NAV2: variants seen among roughly 807,000 people sequenced by gnomAD.
NAV2 encodes neuron navigator 2, also known as helicase, APC down-regulated 1.
NAV2 carries 54 observed loss-of-function variants against 223.2 expected under a neutral mutation model. The ratio of observed to expected loss-of-function variants is 0.24; its 90% confidence interval spans 0.19 to 0.30. The LOEUF (loss-of-function observed/expected upper bound fraction) is 0.30, where lower values mean the gene tolerates loss of function less well. Ranked by LOEUF, NAV2 falls within the 10% of genes least tolerant of loss-of-function variation. NAV2 has a pLI of 1.00. For missense variants in NAV2, 2,806 were observed against 3,147.5 expected, an observed-to-expected ratio of 0.89 and a Z score of 2.60; for synonymous variants, 1,279 against 1,239.3, an observed-to-expected ratio of 1.03 and a Z score of -0.67.
chr11:19,503,711 G>A (rs1313893126), intron 1 of NAV2: 1 of 152,132 alleles, frequency 6.6e-6, no homozygotes, highest in Non-Finnish European at 1.5e-5. Context: ...AGGATGTCTT[G>A]GTTGCTTACA....
At chr11:20,035,696 G>T (rs1437202962) in intron 11 of NAV2, among the ~76,000 whole-genome samples, 1 of 152,212 alleles carries the variant, frequency 6.6e-6, no homozygotes, top group Non-Finnish European at 1.5e-5. Flanking sequence ...AATGGGGTAG[G>T]ACATGGGTAG....
chr11:19,552,596 G>A (rs1590498785), intron 1 of NAV2, among the ~76,000 whole-genome samples: 1 of 152,158 alleles, frequency 6.6e-6, no homozygotes, highest in African/African-American at 2.4e-5. Context: ...TTGTCACAAG[G>A]CCATGGAACA....
rs1333911807 is a variant in NAV2 at position 19,712,876 on chromosome 11, C to T, written c.-820C>T. Among the ~76,000 whole-genome samples the T allele has an allele frequency of 6.6e-6, 1 of 151,138 alleles. No homozygotes were observed. Among genetic ancestry groups the T allele is most frequent in the African/African-American group, 2.4e-5 (1 of 41,320 alleles). ...TGAGCCCCGCAGCCAGCGCAGCCTTCCCGGGAAGCGCGGCGGCCGCTCCCG... is the reference window on the plus strand; with the variant it reads ...TGAGCCCCGCAGCCAGCGCAGCCTTTCCGGGAAGCGCGGCGGCCGCTCCCG... On this transcript the variant is annotated 5_prime_UTR_variant, in exon 1 of 38. Coordinates refer to ENST00000349880, the MANE Select transcript of NAV2 (RefSeq NM_145117.5).
rs1445300088 is a variant in NAV2, at chr11:20,105,686, A to G, written c.6800A>G (p.Asn2267Ser). The G allele has an allele frequency of 1.2e-6, 2 of 1,613,368 alleles. No homozygotes were observed. Among genetic ancestry groups the G allele is most frequent in the Non-Finnish European group, 1.7e-6 (2 of 1,179,948 alleles). Residue 2267 changes from asparagine to serine, a missense_variant, in exon 35 of 38, where the codon AAC becomes AGC. By Grantham distance (46) the Asn-to-Ser change is conservative (BLOSUM62 1). This residue lies in a region of NAV2 where 824 missense variants were observed against 1,069.4 expected (regional missense o/e 0.77). Transcript: ENST00000349880. ...ATTCCCAAGGTCTGGCATCACCTCAACCGCTTCCTGGAGGCTCACAGTTCC... is the reference window on the plus strand; with the variant it reads ...ATTCCCAAGGTCTGGCATCACCTCAGCCGCTTCCTGGAGGCTCACAGTTCC... ...DWIPKVWHHLNRFLEAHSSSD... is the reference protein window; with the variant it reads ...DWIPKVWHHLSRFLEAHSSSD...
intron 1 of NAV2, among the ~76,000 whole-genome samples, chr11:19,430,631 C>T (rs1340547375): frequency 6.6e-6 from 1 of 152,224 alleles, no homozygotes; most frequent in Non-Finnish European, 1.5e-5. Flanking sequence ...CAAGAACTTT[C>T]TCACTTTGGC....
intron 1 of NAV2, among the ~76,000 whole-genome samples, chr11:19,382,970 T>C (rs1848900827): frequency 6.6e-6 from 1 of 152,170 alleles, no homozygotes; most frequent in Non-Finnish European, 1.5e-5. Context: ...CAAAGGCATA[T>C]AGCTTGTGAG....
chr11:19,464,697 A>G (rs1852288034), intron 1 of NAV2, among the ~76,000 whole-genome samples: 1 of 152,206 alleles, frequency 6.6e-6, no homozygotes, highest in Non-Finnish European at 1.5e-5. Flanking sequence ...CTCATCTGTC[A>G]GAGGGATGTG....
intron 1 of NAV2, among the ~76,000 whole-genome samples, chr11:19,609,362 G>C (rs1465077066): frequency 6.6e-6 from 1 of 152,118 alleles, no homozygotes; most frequent in Non-Finnish European, 1.5e-5. Flanking sequence ...AAAGAGGGGA[G>C]GGAGAAAAAG....
At chr11:19,682,928 A>C (rs1370815334) in intron 1 of NAV2, among the ~76,000 whole-genome samples, 4 of 152,222 alleles carry the variant, frequency 2.6e-5, no homozygotes, top group African/African-American at 9.6e-5. Context: ...TTTTCAGATG[A>C]AAACAGTGAG....
intron 1 of NAV2, among the ~76,000 whole-genome samples, chr11:19,667,712 T>C (rs968711091): frequency 1.3e-5 from 2 of 152,214 alleles, no homozygotes; most frequent in South Asian, 2.1e-4. Flanking sequence ...CTAGTATCAA[T>C]GTGTATTTTA....
chr11:20,117,652 G>C (rs528135187), intron 37 of NAV2, among the ~76,000 whole-genome samples: 2 of 152,106 alleles, frequency 1.3e-5, no homozygotes, highest in South Asian at 2.1e-4. Context: ...GATGCTTGTT[G>C]AAGTGGGAGG....
intron 1 of NAV2, among the ~76,000 whole-genome samples, chr11:19,493,168 C>G (rs906559547): frequency 9.2e-5 from 14 of 151,904 alleles, no homozygotes; most frequent in African/African-American, 2.9e-4. Context: ...TCCCCTGCCC[C>G]CTCCCCTCTC....
intron 1 of NAV2, among the ~76,000 whole-genome samples, chr11:19,705,135 A>G (rs984984635): frequency 6.7e-6 from 1 of 150,326 alleles, no homozygotes; most frequent in Non-Finnish European, 1.5e-5. Flanking sequence ...CTTCTGTAAT[A>G]GTGAAAAAGT....
In NAV2 at chr11:20,106,175, A is replaced by ATATATGTGTGTG. The variant is rs11267537; in HGVS notation, c.6841+449_6841+450insATATGTGTGTGT. On this transcript the variant is annotated intron_variant, in intron 35 of 37. Transcript: ENST00000349880. ...TGTGTGTATATATATATATATATAT[A>ATATATGTGTGTG]TGTGTGTGTATATATATATATATAT... is the stretch of plus-strand genomic sequence containing the variant. Among the ~76,000 whole-genome samples the ATATATGTGTGTG allele has an allele frequency of 1.4e-3, 50 of 35,822 alleles. 3 individuals are homozygous for ATATATGTGTGTG. The highest frequency in any genetic ancestry group is 3.7e-3 in the South Asian group (3 of 816). 23.5% of individuals were successfully genotyped at this position (35,822 alleles called of 152,430 possible).
intron 1 of NAV2, among the ~76,000 whole-genome samples, chr11:19,403,253 G>A (rs2133329779): frequency 6.6e-6 from 1 of 152,316 alleles, no homozygotes; most frequent in Admixed American, 6.5e-5. Context: ...CCCTTGCTGG[G>A]TGCTTCAGAT....
In NAV2 at chr11:19,701,394, A is replaced by G. The variant is rs58729496; in HGVS notation, c.76-131090A>G. On this transcript the variant is annotated intron_variant, in intron 1 of 37. Coordinates refer to the NAV2 transcript ENST00000360655. ...GCCGCCTTTGAAAACTGGATTCTGC[A>G]TACTCAAATCAGCCCTTTGTGGTAC... is the stretch of plus-strand genomic sequence containing the variant. Among the ~76,000 whole-genome samples, 676 of 152,342 alleles carry G rather than the reference A, an allele frequency of 4.4e-3. 2 individuals carry two copies. The highest frequency in any genetic ancestry group is 0.015 in the African/African-American group (637 of 41,578).
chr11:19,697,813 T>C (rs2049392873), intron 1 of NAV2, among the ~76,000 whole-genome samples: 1 of 152,202 alleles, frequency 6.6e-6, no homozygotes, highest in East Asian at 1.9e-4. Flanking sequence ...TGATGGCAAT[T>C]GGCTCTGACA....
At chr11:19,497,672 A>T (rs1337428298) in intron 1 of NAV2, among the ~76,000 whole-genome samples, 2 of 152,074 alleles carry the variant, frequency 1.3e-5, no homozygotes, top group Non-Finnish European at 1.5e-5. Flanking sequence ...GTGGGAGTGA[A>T]TAAATTTTGC....
intron 7 of NAV2, among the ~76,000 whole-genome samples, chr11:19,936,955 T>G (rs933134863): frequency 2.0e-5 from 3 of 152,090 alleles, no homozygotes; most frequent in Non-Finnish European, 2.9e-5. Context: ...CTGGCCAACA[T>G]GGTGAAACCC....
Sources: allele counts gnomAD v4.1 joint callset (sites outside exome capture counted in the v4.1 genomes callset), GRCh38; gene constraint gnomAD v4.1.1; regional missense constraint gnomAD v4.1.1; transcripts MANE v1.5; gene names NCBI Gene and HGNC (gene_info 2026-07-23, HGNC 2026-07-21).